PTPRE: variants seen among roughly 807,000 people sequenced by gnomAD.
PTPRE encodes receptor-type tyrosine-protein phosphatase epsilon.
Under a neutral mutation model 102.0 loss-of-function variants are expected in PTPRE, and 51 were observed. The ratio of observed to expected loss-of-function variants is 0.50; its 90% CI spans 0.40 to 0.63. PTPRE has a LOEUF of 0.63. Ranked by LOEUF, PTPRE falls within the 30% of genes least tolerant of loss-of-function variation. The pLI is 0.00. For missense variants in PTPRE, 752 were observed against 915.1 expected (o/e 0.82, Z 2.30); for synonymous variants, 345 against 348.2 (o/e 0.99, Z 0.10).
At position 127,968,924 on chromosome 10, in the gene PTPRE, T is replaced by A. The variant is rs146575504; in HGVS notation, c.-30-13350T>A. Reference sequence around the variant, plus strand: ...AAATGAAACACAATGGCTTATATTGTTCTAGTCTGATTCAAAGAATGTCCC... The same window carrying A: ...AAATGAAACACAATGGCTTATATTGATCTAGTCTGATTCAAAGAATGTCCC... On this transcript the variant is annotated intron_variant, in intron 1 of 20. Coordinates refer to ENST00000254667, the MANE Select transcript of PTPRE (RefSeq NM_006504.6). Among the ~76,000 whole-genome samples the A allele has an allele frequency of 1.8e-4, 28 of 152,362 alleles. No homozygotes were observed. The East Asian group carries it at 4.6e-3, about 25-fold the overall frequency.
chr10:128,079,842 A>G (rs1455192515), intron 20 of PTPRE, 147 bp downstream of exon 20: 5 of 1,135,742 alleles, frequency 4.4e-6, no homozygotes, highest in Non-Finnish European at 6.1e-6. Context: ...AATGTTTCGC[A>G]GTAAACCTCT....
intron 1 of PTPRE, among the ~76,000 whole-genome samples, chr10:127,949,153 A>G (rs962127152): frequency 2.0e-5 from 3 of 152,156 alleles, no homozygotes; most frequent in African/African-American, 7.2e-5. Context: ...CAGCCTTCAG[A>G]CCTGGACTGA....
intron 1 of PTPRE, among the ~76,000 whole-genome samples, chr10:127,915,725 T>G (rs1000087885): frequency 2.0e-5 from 3 of 150,824 alleles, no homozygotes; most frequent in Admixed American, 6.7e-5. Context: ...TTTCATCAAA[T>G]GTAAATAGTG....
At chr10:128,029,771 C>T (rs931491786) in intron 2 of PTPRE, among the ~76,000 whole-genome samples, 18 of 152,250 alleles carry the variant, frequency 1.2e-4, no homozygotes, top group Admixed American at 6.5e-5. Flanking sequence ...TAAGCCCAGG[C>T]CTGCCTAAGG....
chr10:128,014,514 T>C (rs1381333569), intron 2 of PTPRE, among the ~76,000 whole-genome samples: 2 of 152,194 alleles, frequency 1.3e-5, no homozygotes, highest in African/African-American at 2.4e-5. Flanking sequence ...AAGAGACCCA[T>C]GCGAGGAGGG....
rs74403653 is a variant in PTPRE, at chr10:128,017,518, A to C, written c.-7-23357A>C. Among the ~76,000 whole-genome samples, 205 of 152,114 alleles carry C rather than the reference A, an allele frequency of 1.3e-3. 5 individuals carry two copies. In the East Asian group the frequency reaches 0.035, roughly 26 times the overall value. On this transcript the variant is annotated intron_variant, in intron 2 of 20. Transcript: ENST00000254667. ...GGAGTGGAAGGTACAGAATTTCCAT[A>C]TGCCCTCCCCACACAGGCACAGCCT...
chr10:127,910,408 A>T (rs1291892793), intron 1 of PTPRE, among the ~76,000 whole-genome samples: 8 of 152,004 alleles, frequency 5.3e-5, no homozygotes, highest in African/African-American at 1.9e-4. Context: ...AATCTCTCTT[A>T]CTCTTGGTTC....
At chr10:127,948,171 A>AGACC (rs1290595534) in intron 1 of PTPRE, among the ~76,000 whole-genome samples, 2 of 152,192 alleles carry the variant, frequency 1.3e-5, no homozygotes, top group East Asian at 3.9e-4. Flanking sequence ...TAGGCTTAGA[A>AGACC]GACCAGCACA....
At chr10:128,027,397 G>A (rs1846362396) in intron 2 of PTPRE, among the ~76,000 whole-genome samples, 1 of 152,158 alleles carries the variant, frequency 6.6e-6, no homozygotes, top group African/African-American at 2.4e-5. Flanking sequence ...AGCCCCTACT[G>A]ACCAGCACCC....
At chr10:128,065,652 G>T (rs1275486954) in intron 10 of PTPRE, among the ~76,000 whole-genome samples, 2 of 152,156 alleles carry the variant, frequency 1.3e-5, no homozygotes, top group African/African-American at 4.8e-5. Context: ...GAACTGAGCA[G>T]GAAAAACACA....
At chr10:127,951,232 C>G (rs184951066) in intron 1 of PTPRE, among the ~76,000 whole-genome samples, 1 of 152,168 alleles carries the variant, frequency 6.6e-6, no homozygotes, top group African/African-American at 2.4e-5. Context: ...AATGAATTCC[C>G]AGACTTGAGC....
chr10:128,028,734 G>A lies in PTPRE; in HGVS notation c.-7-12141G>A, dbSNP rs199652497. Reference sequence around the variant, plus strand: ...GAACACGAAGCCAAGGCCAGGAGTCGGGATCTGCTCCCAGGAAGAAGCCTC... The same window carrying A: ...GAACACGAAGCCAAGGCCAGGAGTCAGGATCTGCTCCCAGGAAGAAGCCTC... On this transcript the variant is annotated intron_variant, in intron 2 of 20. Transcript: ENST00000254667. This position sits in a 1 kb window ranked among gnomAD's most constrained non-coding sequence, Gnocchi z 4.5. Among the ~76,000 whole-genome samples, 21 of 152,218 alleles carry A rather than the reference G, an allele frequency of 1.4e-4. No individual in the cohort carries two copies. Among genetic ancestry groups the A allele is most frequent in the East Asian group, 7.8e-4 (4 of 5,154 alleles).
intron 16 of PTPRE, among the ~76,000 whole-genome samples, chr10:128,073,124 T>C (rs566653227): frequency 1.3e-5 from 2 of 152,350 alleles, no homozygotes; most frequent in African/African-American, 4.8e-5. Flanking sequence ...CCTCAGGGGC[T>C]GACGGTGGCC....
At chr10:127,921,063 C>G (rs1230917097) in intron 1 of PTPRE, among the ~76,000 whole-genome samples, 3 of 152,232 alleles carry the variant, frequency 2.0e-5, no homozygotes, top group African/African-American at 7.2e-5. Flanking sequence ...TCTGTCTTCC[C>G]AGGGGCCAGA....
chr10:128,065,353 T>C (rs1218035593), intron 10 of PTPRE, among the ~76,000 whole-genome samples: 1 of 152,180 alleles, frequency 6.6e-6, no homozygotes, highest in Non-Finnish European at 1.5e-5. Flanking sequence ...CTTTTCCCCC[T>C]TGAGGTGGGT....
chr10:127,942,576 C>G (rs968115233), intron 1 of PTPRE, among the ~76,000 whole-genome samples: 1 of 152,194 alleles, frequency 6.6e-6, no homozygotes, highest in Non-Finnish European at 1.5e-5. Flanking sequence ...TGCTGCAACA[C>G]GGATGAACCT....
At chr10:128,057,434 G>A (rs1489084859) in intron 7 of PTPRE, among the ~76,000 whole-genome samples, 1 of 152,190 alleles carries the variant, frequency 6.6e-6, no homozygotes, top group African/African-American at 2.4e-5. Flanking sequence ...TGGTGGGATG[G>A]AGGAAGGCAG....
intron 1 of PTPRE, among the ~76,000 whole-genome samples, chr10:127,908,183 A>G (rs1349302478): frequency 6.6e-6 from 1 of 152,174 alleles, no homozygotes; most frequent in African/African-American, 2.4e-5. Context: ...CAGAGTTTCA[A>G]TCCAGGAAAC....
rs749541343 is a variant in PTPRE at position 128,060,926 on chromosome 10, G to T, written c.512-13G>T. The T allele has an allele frequency of 2.5e-6, 4 of 1,612,116 alleles. No individual in the cohort carries two copies. The highest frequency in any genetic ancestry group is 3.4e-6 in the Non-Finnish European group (4 of 1,178,426). On this transcript the variant is annotated splice_polypyrimidine_tract_variant and intron_variant, in intron 7 of 20. Transcript: ENST00000254667. ...GTCCTAATATCTTGGCTTTGTTTGG[G>T]TTTTTTTTCCAGATGACCATTCTAG...
Sources: gnomAD v4.1 joint callset for allele counts (sites outside exome capture counted in the v4.1 genomes callset) on GRCh38, gnomAD v4.1.1 for gene constraint, Gnocchi (gnomAD v3.1) non-coding constraint, MANE v1.5 for transcripts, NCBI Gene and HGNC (gene_info 2026-07-23, HGNC 2026-07-21) for gene names.